Variants in CASK observed in about 807,000 individuals in gnomAD.
CASK encodes calcium/calmodulin dependent serine protein kinase, also known as peripheral plasma membrane protein CASK.
A neutral mutation model predicts 82.9 loss-of-function variants in CASK; 4 were observed. The ratio of observed to expected loss-of-function variants is 0.05; its 90% CI spans 0.02 to 0.11. CASK has a LOEUF of 0.11. Ranked by LOEUF, CASK falls within the 10% of genes least tolerant of loss-of-function variation. The probability of loss-of-function intolerance (pLI) is 1.00; values close to 1 mark genes in which losing one functional copy is unlikely to be tolerated. For synonymous variants in CASK, 259 were observed against 253.5 expected, an observed-to-expected ratio of 1.02 and a Z score of -0.20; for missense variants, 358 against 720.9, an observed-to-expected ratio of 0.50 and a Z score of 5.76.
At chrX:41,771,772 G>A (rs1409464281) in intron 3 of CASK, among the ~76,000 whole-genome samples, 2 of 110,935 alleles carry the variant, frequency 1.8e-5, no homozygotes, top group Non-Finnish European at 3.8e-5. Flanking sequence ...AAAAAACATG[G>A]AATAGGTGGT....
chrX:41,667,580 C>T (rs2067136154), intron 6 of CASK, among the ~76,000 whole-genome samples: 1 of 111,286 alleles, frequency 9.0e-6, no homozygotes, highest in Admixed American at 9.6e-5. Flanking sequence ...AATCTTTATG[C>T]GCACAATCCT....
chrX:41,733,560 A>G (rs1379315137), intron 5 of CASK, among the ~76,000 whole-genome samples: 1 of 109,647 alleles, frequency 9.1e-6, no homozygotes, highest in African/African-American at 3.3e-5. Context: ...CATCCTGGCT[A>G]ACACAGTGAA....
At chrX:41,782,176 G>C (rs769777992) in intron 3 of CASK, among the ~76,000 whole-genome samples, 2 of 112,156 alleles carry the variant, frequency 1.8e-5, no homozygotes, top group Non-Finnish European at 3.8e-5. Context: ...GGGAGAAAAA[G>C]ACATCAGGAG....
At chrX:41,894,862 G>A (rs985787534) in intron 1 of CASK, among the ~76,000 whole-genome samples, 1 of 111,983 alleles carries the variant, frequency 8.9e-6, no homozygotes, top group African/African-American at 3.2e-5. Flanking sequence ...GTAATGACAA[G>A]GTTTCTAGCA....
intron 2 of CASK, among the ~76,000 whole-genome samples, chrX:41,838,588 T>C (rs1389917975): frequency 1.8e-5 from 2 of 110,912 alleles, no homozygotes; most frequent in Non-Finnish European, 3.8e-5. Context: ...AAACCCCGTC[T>C]CTACTAAAAA....
intron 8 of CASK, among the ~76,000 whole-genome samples, chrX:41,652,526 T>C (rs1388528981): frequency 9.0e-6 from 1 of 111,435 alleles, no homozygotes; most frequent in Non-Finnish European, 1.9e-5. Flanking sequence ...AGTTGCAGGA[T>C]GAGGGGTGGT....
intron 1 of CASK, among the ~76,000 whole-genome samples, chrX:41,863,816 CT>C (rs749158626): frequency 8.9e-6 from 1 of 112,041 alleles, no homozygotes; most frequent in African/African-American, 3.2e-5. Flanking sequence ...TTGTCAAATT[CT>C]CTGTGCATAA....
chrX:41,740,390 T>C (rs942111515), intron 4 of CASK, among the ~76,000 whole-genome samples: 1 of 110,262 alleles, frequency 9.1e-6, no homozygotes, highest in South Asian at 3.9e-4. Context: ...CACTGTATAA[T>C]ATTTATAGAA....
chrX:41,720,299 T>C (rs2068142413), intron 5 of CASK, among the ~76,000 whole-genome samples: 2 of 112,225 alleles, frequency 1.8e-5, no homozygotes, highest in South Asian at 7.3e-4. Flanking sequence ...CTGAGAACAG[T>C]GTGACTGGAA....
intron 3 of CASK, among the ~76,000 whole-genome samples, chrX:41,783,148 A>C (rs1263360266): frequency 1.8e-5 from 2 of 111,825 alleles, no homozygotes; most frequent in Non-Finnish European, 3.8e-5. Flanking sequence ...TTAAAAACAA[A>C]AACAACAACA....
intron 3 of CASK, among the ~76,000 whole-genome samples, chrX:41,773,530 T>G (rs1450934484): frequency 1.8e-5 from 2 of 111,323 alleles, no homozygotes; most frequent in African/African-American, 6.5e-5. Flanking sequence ...AGCAATAGAT[T>G]GAAGGATGGT....
intron 2 of CASK, among the ~76,000 whole-genome samples, chrX:41,824,160 A>G (rs985657010): frequency 1.3e-4 from 14 of 111,923 alleles, no homozygotes; most frequent in Admixed American, 1.0e-3. Flanking sequence ...CTATACCACT[A>G]AGTTGTATTG....
intron 5 of CASK, among the ~76,000 whole-genome samples, chrX:41,674,010 T>C (rs1325306621): frequency 1.8e-5 from 2 of 109,971 alleles, no homozygotes; most frequent in Non-Finnish European, 3.8e-5. Flanking sequence ...TGCAAAGTAC[T>C]GAGGAAATAT....
intron 6 of CASK, 111 bp downstream of exon 6, chrX:41,671,317 G>T: frequency 1.9e-6 from 1 of 528,937 alleles, no homozygotes; most frequent in Admixed American, 2.7e-5. Context: ...TTGGGGTGGG[G>T]TGGAATGAGG....
chrX:41,831,521 TATAG>T (rs2070812193), intron 2 of CASK, among the ~76,000 whole-genome samples: 1 of 112,403 alleles, frequency 8.9e-6, no homozygotes, highest in Admixed American at 9.4e-5. Context: ...CTGACTCAGT[TATAG>T]ATAGAGTCTT....
At chrX:41,715,988 C>T (rs1186316687) in intron 5 of CASK, among the ~76,000 whole-genome samples, 7 of 111,287 alleles carry the variant, frequency 6.3e-5, no homozygotes, top group Non-Finnish European at 9.4e-5. Flanking sequence ...TTTGCTTGCC[C>T]GGTGGAAGAT....
At chrX:41,660,617 A>G in intron 7 of CASK, 56 bp from the exon 8 acceptor site, 5 of 1,103,688 alleles carry the variant, frequency 4.5e-6, no homozygotes, top group Non-Finnish European at 5.0e-6. Context: ...ATTAACATTC[A>G]CTATTATTTA....
intron 8 of CASK, among the ~76,000 whole-genome samples, chrX:41,644,761 T>G (rs1468231942): frequency 1.8e-5 from 2 of 111,797 alleles, no homozygotes; most frequent in Non-Finnish European, 3.8e-5. Flanking sequence ...GGAGTAAGTC[T>G]TTGAACTGGC....
intron 18 of CASK, among the ~76,000 whole-genome samples, 166 bp from the exon 19 acceptor site, chrX:41,557,266 A>C (rs2065170603): frequency 8.9e-6 from 1 of 111,822 alleles, no homozygotes. Context: ...TATGAAAAAA[A>C]TTTTGCAGTT....
Sources: gnomAD v4.1 joint callset for allele counts (sites outside exome capture counted in the v4.1 genomes callset) on GRCh38, gnomAD v4.1.1 for gene constraint, MANE v1.5 for transcripts, NCBI Gene and HGNC (gene_info 2026-07-23, HGNC 2026-07-21) for gene names.